The following NTNG1 variants were observed in gnomAD, a reference collection of about 807,000 sequenced individuals.
NTNG1 encodes the protein netrin-G1.
NTNG1 carries 16 observed loss-of-function variants against 54.0 expected under a neutral mutation model. That is an observed-to-expected ratio of 0.30 (90% confidence interval 0.20 to 0.45). The LOEUF (loss-of-function observed/expected upper bound fraction) is 0.45. Ranked by LOEUF, NTNG1 falls within the 20% of genes least tolerant of loss-of-function variation. The pLI is 1.00. For synonymous variants in NTNG1, 255 were observed against 263.1 expected (o/e 0.97, Z 0.30); for missense variants, 530 against 678.7 (o/e 0.78, Z 2.43).
intron 3 of NTNG1, among the ~76,000 whole-genome samples, chr1:107,380,795 G>T (rs945548887): frequency 1.3e-5 from 2 of 152,148 alleles, no homozygotes; most frequent in Non-Finnish European, 2.9e-5. Flanking sequence ...ACCATCCCCT[G>T]CTGGTCCCTT....
At chr1:107,475,753 A>G (rs982455584) in intron 7 of NTNG1, among the ~76,000 whole-genome samples, 12 of 152,114 alleles carry the variant, frequency 7.9e-5, no homozygotes, top group Admixed American at 4.6e-4. Flanking sequence ...TTTTACATTA[A>G]TTGAGAAGTA....
chr1:107,272,710 A>G (rs537830535), intron 2 of NTNG1, among the ~76,000 whole-genome samples: 1 of 152,332 alleles, frequency 6.6e-6, no homozygotes, highest in South Asian at 2.1e-4. Flanking sequence ...TATGTAAGAA[A>G]AGTTGTCAAG....
At chr1:107,186,399 G>C (rs528071908) in intron 2 of NTNG1, among the ~76,000 whole-genome samples, 35 of 152,222 alleles carry the variant, frequency 2.3e-4, no homozygotes, top group Non-Finnish European at 4.4e-4. Flanking sequence ...ATGGACTTAT[G>C]TCACTTCTCT....
At chr1:107,284,365 C>G (rs1665060848) in intron 2 of NTNG1, among the ~76,000 whole-genome samples, 1 of 152,096 alleles carries the variant, frequency 6.6e-6, no homozygotes, top group African/African-American at 2.4e-5. Flanking sequence ...TATCCCCACT[C>G]TCAAGAAAAT....
At chr1:107,234,419 A>C (rs1661269853) in intron 2 of NTNG1, among the ~76,000 whole-genome samples, 1 of 151,524 alleles carries the variant, frequency 6.6e-6, no homozygotes, top group Admixed American at 6.6e-5. Context: ...CACCAAACCC[A>C]GCCCCTTTTC....
chr1:107,297,741 T>C (rs1174461762), intron 2 of NTNG1, among the ~76,000 whole-genome samples: 1 of 152,274 alleles, frequency 6.6e-6, no homozygotes. Flanking sequence ...ATCTCAAAGA[T>C]GAAAAACACT....
chr1:107,329,842 C>T (rs1668177731), intron 3 of NTNG1, among the ~76,000 whole-genome samples: 1 of 151,918 alleles, frequency 6.6e-6, no homozygotes, highest in Non-Finnish European at 1.5e-5. Context: ...ATGCACCAAG[C>T]ATAGTCTCTG....
At chr1:107,229,389 T>C (rs957393944) in intron 2 of NTNG1, among the ~76,000 whole-genome samples, 2 of 151,090 alleles carry the variant, frequency 1.3e-5, no homozygotes, top group Non-Finnish European at 2.9e-5. Flanking sequence ...CTAGGCCTTT[T>C]GGCTAAGATC....
chr1:107,419,398 A>G (rs1413318622), intron 5 of NTNG1, among the ~76,000 whole-genome samples: 1 of 147,584 alleles, frequency 6.8e-6, no homozygotes, highest in East Asian at 2.0e-4. Flanking sequence ...TCTGACTCCT[A>G]ATGTCAAAGA....
chr1:107,466,888 C>T (rs1677639979), intron 7 of NTNG1, among the ~76,000 whole-genome samples: 1 of 152,130 alleles, frequency 6.6e-6, no homozygotes, highest in Non-Finnish European at 1.5e-5. Flanking sequence ...TGTAAAATAC[C>T]CTTCTGCATG....
chr1:107,410,945 G>A (rs887662296), intron 5 of NTNG1, among the ~76,000 whole-genome samples: 3 of 152,130 alleles, frequency 2.0e-5, no homozygotes, highest in African/African-American at 7.2e-5. Context: ...CTGAATGACA[G>A]ATGAGTCAGA....
chr1:107,367,814 T>C (rs1007502595), intron 3 of NTNG1, among the ~76,000 whole-genome samples: 1 of 152,078 alleles, frequency 6.6e-6, no homozygotes, highest in East Asian at 1.9e-4. Flanking sequence ...CAGGCTGGAG[T>C]GCAGTGGTGC....
intron 2 of NTNG1, among the ~76,000 whole-genome samples, chr1:107,150,022 T>C (rs1308542547): frequency 6.6e-6 from 1 of 152,144 alleles, no homozygotes; most frequent in Non-Finnish European, 1.5e-5. Context: ...CAGGAAACAA[T>C]TTTGAGCAAT....
intron 3 of NTNG1, among the ~76,000 whole-genome samples, chr1:107,365,804 GA>G (rs1368310094): frequency 6.6e-6 from 1 of 152,144 alleles, no homozygotes; most frequent in East Asian, 1.9e-4. Flanking sequence ...GGGGAGGGCA[GA>G]TTTTAAGCAT....
At chr1:107,339,227 T>C (rs893990652) in intron 3 of NTNG1, among the ~76,000 whole-genome samples, 1 of 152,062 alleles carries the variant, frequency 6.6e-6, no homozygotes, top group South Asian at 2.1e-4. Flanking sequence ...ATCTTCCCAC[T>C]TCTCCAGCCG....
intron 7 of NTNG1, among the ~76,000 whole-genome samples, chr1:107,469,733 C>T (rs1185924099): frequency 7.9e-5 from 12 of 152,164 alleles, no homozygotes; most frequent in Non-Finnish European, 1.3e-4. Context: ...GGATTACAGG[C>T]GTGAGCCACC....
Position 107,483,758 on chromosome 1 carries a change from C to T in NTNG1, c.*2918C>T, listed in dbSNP as rs1678869817. Among the ~76,000 whole-genome samples, 1 of 152,162 alleles carries T rather than the reference C, an allele frequency of 6.6e-6. No individual in the cohort carries two copies. Among genetic ancestry groups the T allele is most frequent in the African/African-American group, 2.4e-5 (1 of 41,432 alleles). On this transcript the variant is annotated 3_prime_UTR_variant, in exon 8 of 8. Coordinates refer to ENST00000370068, the MANE Select transcript of NTNG1 (RefSeq NM_001113226.3). ...ATGAGTTAATCTATCAACTTTCCCACATAGAACTGATATAATTCCTTCTAT... is the reference window on the plus strand; with the variant it reads ...ATGAGTTAATCTATCAACTTTCCCATATAGAACTGATATAATTCCTTCTAT...
intron 4 of NTNG1, among the ~76,000 whole-genome samples, chr1:107,395,660 T>C (rs374821261): frequency 6.6e-6 from 1 of 152,122 alleles, no homozygotes; most frequent in East Asian, 1.9e-4. Flanking sequence ...CCTTGTAAAC[T>C]CTCAATCCTA....
chr1:107,228,341 A>T (rs1346648086), intron 2 of NTNG1, among the ~76,000 whole-genome samples: 14 of 152,182 alleles, frequency 9.2e-5, no homozygotes, highest in Non-Finnish European at 1.6e-4. Flanking sequence ...GTCAGACTCA[A>T]CTGTTATTTT....
Sources: gnomAD v4.1 joint callset for allele counts (sites outside exome capture counted in the v4.1 genomes callset) on GRCh38, gnomAD v4.1.1 for gene constraint, MANE v1.5 for transcripts, NCBI Gene and HGNC (gene_info 2026-07-23, HGNC 2026-07-21) for gene names.